Variants in SLC25A27 observed in about 807,000 individuals in gnomAD.
The protein encoded by SLC25A27 is mitochondrial uncoupling protein 4.
A neutral mutation model predicts 49.1 loss-of-function variants in SLC25A27; 35 were observed. The ratio of observed to expected loss-of-function variants is 0.71; its 90% CI spans 0.54 to 0.95. The LOEUF (loss-of-function observed/expected upper bound fraction) is 0.95, where lower values mean the gene tolerates loss of function less well. Among genes scored for constraint, SLC25A27 ranks in the 40% least tolerant of loss-of-function variants. The pLI is 0.00. For synonymous variants in SLC25A27, 144 were observed against 136.9 expected (o/e 1.05, Z -0.36); for missense variants, 339 against 397.1 (o/e 0.85, Z 1.24).
At chr6:46,654,252 AT>A in intron 1 of SLC25A27, 2 of 361,842 alleles carry the variant, frequency 5.5e-6, no homozygotes. Flanking sequence ...ATGCGTTATC[AT>A]TTGTAAATGT....
At chr6:46,657,491 T>A (rs554350941) in intron 2 of SLC25A27, among the ~76,000 whole-genome samples, 1 of 152,068 alleles carries the variant, frequency 6.6e-6, no homozygotes, top group East Asian at 1.9e-4. Flanking sequence ...AAAATAAATT[T>A]AAAAAGTTAG....
chr6:46,659,317 A>T (rs1763085976), intron 3 of SLC25A27, among the ~76,000 whole-genome samples: 1 of 152,154 alleles, frequency 6.6e-6, no homozygotes, highest in East Asian at 1.9e-4. Flanking sequence ...TTTTATTAAG[A>T]ACTCTCGGCT....
intron 2 of SLC25A27, chr6:46,658,726 G>T (rs1763068467): frequency 3.8e-6 from 2 of 528,490 alleles, no homozygotes; most frequent in South Asian, 4.5e-5. Context: ...GCAGAGAAGG[G>T]AGAATTCATT....
At chr6:46,671,756 C>T (rs1763554279) in intron 8 of SLC25A27, among the ~76,000 whole-genome samples, 1 of 151,800 alleles carries the variant, frequency 6.6e-6, no homozygotes, top group African/African-American at 2.4e-5. Flanking sequence ...ATTAGATAGA[C>T]TTGTTTAAGC....
rs1037519519 is a variant in SLC25A27 at position 46,678,185 on chromosome 6, C to T, written c.*1731C>T. 1 of 151,582 alleles carries T rather than the reference C, an allele frequency of 6.6e-6. No individual in the cohort carries two copies. The allele number at this position is 151,582 out of a possible 1,614,324, so 9.4% of individuals were successfully genotyped here. On this transcript the variant is annotated 3_prime_UTR_variant, in exon 9 of 9. Coordinates refer to ENST00000371347, the MANE Select transcript of SLC25A27 (RefSeq NM_004277.5). ...CAAAATAATTGCATCCAACCTGGAC[C>T]GTGAACAATTGATTTAGCTTTATTC...
At chr6:46,656,868 A>C (rs1264550498) in intron 2 of SLC25A27, among the ~76,000 whole-genome samples, 1 of 152,220 alleles carries the variant, frequency 6.6e-6, no homozygotes, top group East Asian at 1.9e-4. Context: ...TTAATTAAGC[A>C]AAAAACAATG....
At chr6:46,664,063 GA>G (rs1220532658) in intron 4 of SLC25A27, among the ~76,000 whole-genome samples, 1 of 152,138 alleles carries the variant, frequency 6.6e-6, no homozygotes, top group East Asian at 1.9e-4. Context: ...TCTTTTTGGT[GA>G]GATTCAGAGA....
intron 3 of SLC25A27, among the ~76,000 whole-genome samples, 159 bp downstream of exon 3, chr6:46,659,205 G>A (rs1582499425): frequency 6.6e-6 from 1 of 152,166 alleles, no homozygotes; most frequent in Admixed American, 6.5e-5. Context: ...TACTGCAGAT[G>A]TATACAGACA....
chr6:46,668,810 T>C lies in SLC25A27; in HGVS notation c.704+17T>C. ...TTTATCAAGGTAAGGATTGTTTTAG[T>C]TGGACTCTGTTTTTTTTTTTTGTAT... On this transcript the variant is annotated intron_variant, in intron 6 of 8. Coordinates refer to ENST00000371347, the MANE Select transcript of SLC25A27 (RefSeq NM_004277.5). The C allele has an allele frequency of 6.9e-7, 1 of 1,459,744 alleles. No individual in the cohort carries two copies. The highest frequency in any genetic ancestry group is 9.5e-7 in the Non-Finnish European group (1 of 1,052,912). 90.4% of individuals were successfully genotyped at this position (1,459,744 alleles called of 1,614,324 possible). A position where few individuals can be genotyped will look rare whatever the true frequency, so the allele number is the denominator to read the frequency against.
At position 46,657,894 on chromosome 6, in the gene SLC25A27, T is replaced by TC. The variant is rs536338237; in HGVS notation, c.299-1067dup. ...ACCTAACTAGCTATGTGGGCCTTAGTCACCCTTAAAGGAAGATGGTTGCAA... is the reference window on the plus strand; with the variant it reads ...ACCTAACTAGCTATGTGGGCCTTAGTCCACCCTTAAAGGAAGATGGTTGCAA... On this transcript the variant is annotated intron_variant, in intron 2 of 8. Coordinates refer to ENST00000371347, the MANE Select transcript of SLC25A27 (RefSeq NM_004277.5). Among the ~76,000 whole-genome samples, 98 of 152,326 alleles carry TC rather than the reference T, an allele frequency of 6.4e-4. No homozygotes were observed. The East Asian group carries it at 0.019, about 29-fold the overall frequency.
In SLC25A27 at chr6:46,678,030, TTATATATATATATATATATATA is replaced by T. The variant is rs67622673; in HGVS notation, c.*1590_*1611del. The T allele has an allele frequency of 0.033, 3,321 of 100,722 alleles. 290 individuals carry two copies. Among genetic ancestry groups the T allele is most frequent in the Admixed American group, 0.12 (1,251 of 10,010 alleles). 6.2% of individuals were successfully genotyped at this position (100,722 alleles called of 1,614,324 possible). On this transcript the variant is annotated 3_prime_UTR_variant, in exon 9 of 9. Transcript: ENST00000371347. ...CAATATGTAATTGCGTTGTAAAATA[TTATATATATATATATATATATA>T]TATATATATATATGCTTAACTTCCC...
At chr6:46,671,494 TG>T (rs1360008236) in intron 8 of SLC25A27, among the ~76,000 whole-genome samples, 4 of 152,126 alleles carry the variant, frequency 2.6e-5, no homozygotes, top group Non-Finnish European at 5.9e-5. Flanking sequence ...ATAGATTTTC[TG>T]TAATGTAAAA....
At chr6:46,676,321 C>T (rs888739011) in intron 8 of SLC25A27, 62 bp from the exon 9 acceptor site, 1 of 1,464,952 alleles carries the variant, frequency 6.8e-7, no homozygotes, top group Admixed American at 1.8e-5. Flanking sequence ...TATGTATGCA[C>T]ATATGTAGAC....
At chr6:46,657,551 GTAGAGA>G (rs760896623) in intron 2 of SLC25A27, among the ~76,000 whole-genome samples, 10 of 152,236 alleles carry the variant, frequency 6.6e-5, no homozygotes, top group Admixed American at 2.6e-4. Context: ...AATCTCAATG[GTAGAGA>G]TAGAGGGAGT....
intron 7 of SLC25A27, chr6:46,670,436 A>G: frequency 2.0e-6 from 1 of 493,384 alleles, no homozygotes; most frequent in Non-Finnish European, 3.5e-6. Context: ...CATATTATTT[A>G]GACACAAGAT....
chr6:46,670,102 C>T (rs750489448), intron 6 of SLC25A27, 33 bp from the exon 7 acceptor site: 2 of 1,416,140 alleles, frequency 1.4e-6, no homozygotes, highest in Middle Eastern at 1.8e-4. Flanking sequence ...CTACTACATA[C>T]CATCTTTCAA....
Position 46,671,207 on chromosome 6 carries a change from T to G in SLC25A27, c.879T>G (p.Phe293Leu), listed in dbSNP as rs1252416184. Residue 293 changes from phenylalanine (F) to leucine (L), a missense_variant, in exon 8 of 9, where the codon TTT (phenylalanine) becomes TTG (leucine). Phe to Leu is a conservative substitution (Grantham distance 22). Coordinates refer to ENST00000371347, the MANE Select transcript of SLC25A27 (RefSeq NM_004277.5). ...GEGFMSLYKG[F>L]LPSWLRMTPW... is the part of the protein sequence containing the mutation. Reference sequence around the variant, plus strand: ...GATTCATGAGTCTATATAAAGGCTTTTTACCATCTTGGCTGAGAATGGTAA... The same window carrying G: ...GATTCATGAGTCTATATAAAGGCTTGTTACCATCTTGGCTGAGAATGGTAA... 3 of 1,579,204 alleles carry G rather than the reference T, an allele frequency of 1.9e-6. No individual in the cohort carries two copies. The highest frequency in any genetic ancestry group is 2.6e-6 in the Non-Finnish European group (3 of 1,165,132).
In SLC25A27 at chr6:46,664,903, T is replaced by A; in HGVS notation, c.619+17T>A. The stretch of plus-strand genomic sequence containing the variant: ...ATATGGGAGGTAATGAAAACTTTGT[T>A]AAATTCTAAAAAGTCCTAATTGCCT... On this transcript the variant is annotated intron_variant, in intron 5 of 8. Coordinates refer to ENST00000371347, the MANE Select transcript of SLC25A27 (RefSeq NM_004277.5). The A allele has an allele frequency of 7.1e-7, 1 of 1,405,924 alleles. No homozygotes were observed. The highest frequency in any genetic ancestry group is 9.8e-7 in the Non-Finnish European group (1 of 1,020,892). 87.1% of individuals were successfully genotyped at this position (1,405,924 alleles called of 1,614,324 possible).
In SLC25A27 at chr6:46,659,061, G is replaced by C. The variant is rs1442347801; in HGVS notation, c.383+15G>C. ...TATCCCCTTTGGTAAGTTTTGTTTGGAAAATAATATGCTGTTGCCCCAAAT... is the reference window on the plus strand; with the variant it reads ...TATCCCCTTTGGTAAGTTTTGTTTGCAAAATAATATGCTGTTGCCCCAAAT... On this transcript the variant is annotated intron_variant, in intron 3 of 8. Coordinates refer to ENST00000371347, the MANE Select transcript of SLC25A27 (RefSeq NM_004277.5). The C allele has an allele frequency of 1.3e-6, 2 of 1,555,448 alleles. No homozygotes were observed. Among genetic ancestry groups the C allele is most frequent in the South Asian group, 1.1e-5 (1 of 87,978 alleles).
Sources: gnomAD v4.1 joint callset for allele counts (sites outside exome capture counted in the v4.1 genomes callset) on GRCh38, gnomAD v4.1.1 for gene constraint, MANE v1.5 for transcripts, NCBI Gene and HGNC (gene_info 2026-07-23, HGNC 2026-07-21) for gene names.